ANO4: variants seen among roughly 807,000 people sequenced by gnomAD.
ANO4 encodes the protein anoctamin-4.
Under a neutral mutation model 141.9 loss-of-function variants are expected in ANO4, and 69 were observed. The observed-to-expected ratio is 0.49, with a 90% CI of 0.40 to 0.59. ANO4 has a LOEUF of 0.59. ANO4 is among the 20% of genes least tolerant of loss of function. ANO4 has a pLI of 0.00. For missense variants in ANO4, 894 were observed against 1,162.2 expected (o/e 0.77, Z 3.36); for synonymous variants, 350 against 394.3 (o/e 0.89, Z 1.33).
intron 1 of ANO4, among the ~76,000 whole-genome samples, chr12:100,858,434 T>C (rs1320916070): frequency 1.3e-5 from 2 of 152,176 alleles, no homozygotes; most frequent in Admixed American, 6.5e-5. Context: ...AAGATAAAAC[T>C]GTAGGCCTCA....
chr12:100,776,459 G>A (rs1405058665), intron 3 of ANO4, among the ~76,000 whole-genome samples: 3 of 152,178 alleles, frequency 2.0e-5, no homozygotes, highest in Admixed American at 6.5e-5. Context: ...TAAGATGAGA[G>A]GGTTGCATTT....
intron 7 of ANO4, among the ~76,000 whole-genome samples, chr12:100,984,343 G>C (rs762687887): frequency 6.6e-6 from 1 of 152,166 alleles, no homozygotes; most frequent in Non-Finnish European, 1.5e-5. Flanking sequence ...CACTTTGGGA[G>C]GCCAAGGCAG....
rs751555514 is a variant in ANO4 at position 100,939,306 on chromosome 12, T to C, written c.161-9T>C. 6.2e-7 allele frequency: 1 copy of C among 1,610,238 alleles called. No homozygotes were observed. The highest frequency in any genetic ancestry group is 2.2e-5 in the East Asian group (1 of 44,838). On this transcript the variant is annotated splice_polypyrimidine_tract_variant and intron_variant, in intron 3 of 27. Transcript: ENST00000392977. ...TACCCACCTTATAATGTATTTACTTTGGTTCTAGTGGCCAAGGATGTCAAT... is the reference window on the plus strand; with the variant it reads ...TACCCACCTTATAATGTATTTACTTCGGTTCTAGTGGCCAAGGATGTCAAT...
At chr12:100,843,488 G>A (rs997267737) in intron 1 of ANO4, among the ~76,000 whole-genome samples, 5 of 152,006 alleles carry the variant, frequency 3.3e-5, no homozygotes, top group African/African-American at 9.6e-5. Context: ...TCAACTTCTC[G>A]CCCCAAACTT....
chr12:101,068,847 T>A (rs878864035), intron 14 of ANO4: 2 of 970,560 alleles, frequency 2.1e-6, no homozygotes, highest in African/African-American at 1.6e-5. Context: ...TTGAAAAACT[T>A]AGGAAAGTAG....
chr12:100,860,208 A>G (rs2038397805), intron 1 of ANO4, among the ~76,000 whole-genome samples: 3 of 152,210 alleles, frequency 2.0e-5, no homozygotes, highest in Non-Finnish European at 4.4e-5. Flanking sequence ...CTGAGCTTGC[A>G]TCGTGACCAC....
intron 1 of ANO4, among the ~76,000 whole-genome samples, chr12:100,872,279 A>G (rs766333730): frequency 6.6e-6 from 1 of 152,134 alleles, no homozygotes; most frequent in African/African-American, 2.4e-5. Flanking sequence ...AAACAATTGC[A>G]TCACAACATG....
intron 1 of ANO4, among the ~76,000 whole-genome samples, chr12:100,831,922 A>G (rs2036652069): frequency 6.6e-6 from 1 of 152,114 alleles, no homozygotes; most frequent in South Asian, 2.1e-4. Context: ...TTGCATTTTA[A>G]TGAAAATATT....
intron 17 of ANO4, among the ~76,000 whole-genome samples, chr12:101,090,754 A>G (rs1249078610): frequency 6.6e-6 from 1 of 152,148 alleles, no homozygotes; most frequent in Non-Finnish European, 1.5e-5. Flanking sequence ...AAAAAAAAGA[A>G]AGAAAGAAAT....
rs192029327 is a variant in ANO4, at chr12:101,051,563, A to G, written c.1312+3162A>G. Among the ~76,000 whole-genome samples the G allele has an allele frequency of 1.5e-3, 223 of 152,366 alleles. 1 individual carries two copies. Among genetic ancestry groups the G allele is most frequent in the African/African-American group, 5.0e-3 (210 of 41,588 alleles). On this transcript the variant is annotated intron_variant, in intron 14 of 27. Coordinates refer to ENST00000392977, the MANE Select transcript of ANO4 (RefSeq NM_001286615.2). ...CTTTTGCAGAAATCTGAAAGAGTCA[A>G]CAATATTAACAGTTATATTAATAGC...
At chr12:101,081,513 C>T (rs934286986) in intron 15 of ANO4, among the ~76,000 whole-genome samples, 9 of 152,210 alleles carry the variant, frequency 5.9e-5, no homozygotes, top group Admixed American at 3.9e-4. Context: ...AGCCTACATA[C>T]GTAGCCATTC....
At chr12:100,820,138 G>A (rs996073497) in intron 1 of ANO4, among the ~76,000 whole-genome samples, 2 of 46,452 alleles carry the variant, frequency 4.3e-5, no homozygotes, top group Admixed American at 5.0e-4. Context: ...TTTCGTGGTT[G>A]TGTGGCTCTT....
At chr12:100,936,711 G>A (rs2042302267) in intron 3 of ANO4, among the ~76,000 whole-genome samples, 1 of 151,908 alleles carries the variant, frequency 6.6e-6, no homozygotes, top group Non-Finnish European at 1.5e-5. Context: ...TATCTCTTCT[G>A]CCTTCTCATA....
At chr12:100,829,383 C>A (rs1450216823) in intron 1 of ANO4, among the ~76,000 whole-genome samples, 1 of 152,164 alleles carries the variant, frequency 6.6e-6, no homozygotes, top group Middle Eastern at 3.4e-3. Flanking sequence ...TAATAACCAT[C>A]AGCACAAAGA....
chr12:100,827,230 G>T (rs1182703879), intron 1 of ANO4, among the ~76,000 whole-genome samples: 1 of 151,890 alleles, frequency 6.6e-6, no homozygotes, highest in Admixed American at 6.6e-5. Context: ...AGGCCCTTTT[G>T]ATGATCCTTG....
chr12:100,813,238 A>G (rs927680015), intron 1 of ANO4, among the ~76,000 whole-genome samples: 1 of 152,188 alleles, frequency 6.6e-6, no homozygotes, highest in Non-Finnish European at 1.5e-5. Flanking sequence ...GGGAGAACCA[A>G]GCAGCTCAGC....
intron 8 of ANO4, among the ~76,000 whole-genome samples, chr12:101,006,273 T>G (rs1025276508): frequency 6.6e-6 from 1 of 152,154 alleles, no homozygotes; most frequent in Non-Finnish European, 1.5e-5. Flanking sequence ...AAATCCATTC[T>G]GATTTATTTT....
chr12:100,877,573 T>C (rs2039377569), intron 1 of ANO4, among the ~76,000 whole-genome samples: 1 of 151,370 alleles, frequency 6.6e-6, no homozygotes, highest in African/African-American at 2.4e-5. Flanking sequence ...GAGTCATGAG[T>C]TTGGTAAGAG....
chr12:100,754,504 T>G (rs963741494), intron 3 of ANO4, among the ~76,000 whole-genome samples: 1 of 152,106 alleles, frequency 6.6e-6, no homozygotes, highest in African/African-American at 2.4e-5. Flanking sequence ...ATCATGGACT[T>G]GGTGGTCCTC....
Sources: allele counts gnomAD v4.1 joint callset (sites outside exome capture counted in the v4.1 genomes callset), GRCh38; gene constraint gnomAD v4.1.1; transcripts MANE v1.5; gene names NCBI Gene and HGNC (gene_info 2026-07-23, HGNC 2026-07-21).